The following PPP2R2C variants were observed in gnomAD, a reference collection of about 807,000 sequenced individuals.
The protein encoded by PPP2R2C is protein phosphatase 2, regulatory subunit B, gamma.
In PPP2R2C, 10 loss-of-function variants were observed where a neutral mutation model predicts 45.3. The ratio of observed to expected loss-of-function variants is 0.22; its 90% CI spans 0.14 to 0.37. The LOEUF (loss-of-function observed/expected upper bound fraction) is 0.37. Among genes scored for constraint, PPP2R2C ranks in the 10% least tolerant of loss-of-function variants. The probability of loss-of-function intolerance (pLI) is 1.00; values close to 1 mark genes in which losing one functional copy is unlikely to be tolerated. For missense variants in PPP2R2C, 308 were observed against 619.7 expected (o/e 0.50, Z 5.34); for synonymous variants, 257 against 245.4 (o/e 1.05, Z -0.44).
chr4:6,505,374 G>C (rs904465705), intron 2 of PPP2R2C, among the ~76,000 whole-genome samples: 2 of 152,042 alleles, frequency 1.3e-5, no homozygotes, highest in African/African-American at 4.8e-5. Context: ...TAAACATGTG[G>C]GTAAACATAA....
chr4:6,337,419 G>A lies in PPP2R2C; in HGVS notation c.791-3688C>T, dbSNP rs181007216. ...CGGGACCTGGTGGCCCCCAGCACCT[G>A]CCCAGGTGAGTGGCGGGAACCCTGT... On this transcript the variant is annotated intron_variant, in intron 6 of 8. Transcript: ENST00000382599. 2.0e-5 allele frequency among the ~76,000 whole-genome samples: 3 copies of A among 152,078 alleles called. No homozygotes were observed. The East Asian group carries it at 5.9e-4, about 30-fold the overall frequency.
intron 1 of PPP2R2C, among the ~76,000 whole-genome samples, chr4:6,412,300 G>A (rs1353585296): frequency 1.3e-5 from 2 of 152,036 alleles, no homozygotes; most frequent in African/African-American, 4.8e-5. Flanking sequence ...CAACGTTCAG[G>A]GGCTGTGCAA....
At chr4:6,381,735 C>G in intron 1 of PPP2R2C, 1 of 1,585,946 alleles carries the variant, frequency 6.3e-7, no homozygotes, top group Non-Finnish European at 8.6e-7. Context: ...CATGTTTCTT[C>G]AGGTCACTCA....
chr4:6,334,955 G>A (rs1732729215), intron 6 of PPP2R2C, among the ~76,000 whole-genome samples: 1 of 152,170 alleles, frequency 6.6e-6, no homozygotes, highest in South Asian at 2.1e-4. Flanking sequence ...GGAAATGGCA[G>A]CACCCCATTC....
intron 2 of PPP2R2C, among the ~76,000 whole-genome samples, chr4:6,483,153 T>G (rs750968540): frequency 4.0e-3 from 337 of 84,812 alleles, no homozygotes; most frequent in Middle Eastern, 0.033. Context: ...ATTGATTGAT[T>G]GATAGATAGA....
At chr4:6,484,964 G>C (rs1034272923) in intron 2 of PPP2R2C, among the ~76,000 whole-genome samples, 1 of 151,724 alleles carries the variant, frequency 6.6e-6, no homozygotes, top group South Asian at 2.1e-4. Context: ...AAGAATGTGT[G>C]CTGAGAGTAG....
intron 2 of PPP2R2C, among the ~76,000 whole-genome samples, chr4:6,530,614 C>T (rs568912486): frequency 1.3e-5 from 2 of 152,194 alleles, no homozygotes; most frequent in Non-Finnish European, 2.9e-5. Flanking sequence ...CTGAGCTGGA[C>T]TGCTGGGCTG....
At position 6,471,156 on chromosome 4, in the gene PPP2R2C, A is replaced by C. The variant is rs1340233263; in HGVS notation, c.70+1004T>G. ...GGGACCCGTGCCCAGGGCCCCTCCC[A>C]CTGGGGCACCCACCCGGGGAATCCG... On this transcript the variant is annotated intron_variant, in intron 1 of 8. Transcript: ENST00000382599. This position sits in a 1 kb window ranked among gnomAD's most constrained non-coding sequence, Gnocchi z 5.6. 1.3e-5 allele frequency among the ~76,000 whole-genome samples: 2 copies of C among 151,894 alleles called. No homozygotes were observed. Among genetic ancestry groups the C allele is most frequent in the Non-Finnish European group, 2.9e-5 (2 of 67,940 alleles).
chr4:6,507,591 G>C (rs901083473), intron 2 of PPP2R2C, among the ~76,000 whole-genome samples: 1 of 152,246 alleles, frequency 6.6e-6, no homozygotes, highest in African/African-American at 2.4e-5. Flanking sequence ...CCAGGCCCAG[G>C]TGAGCTTCCA....
chr4:6,515,818 C>T (rs991371419), intron 2 of PPP2R2C, among the ~76,000 whole-genome samples: 2 of 152,196 alleles, frequency 1.3e-5, no homozygotes, highest in Non-Finnish European at 2.9e-5. Context: ...AGTCCAAGAT[C>T]GAGGTGTCCG....
chr4:6,415,035 C>A (rs922616659), intron 1 of PPP2R2C, among the ~76,000 whole-genome samples: 1 of 152,208 alleles, frequency 6.6e-6, no homozygotes, highest in African/African-American at 2.4e-5. Flanking sequence ...GGAACAGGTG[C>A]GGATATCTGG....
intron 5 of PPP2R2C, among the ~76,000 whole-genome samples, chr4:6,358,575 A>T (rs1577104471): frequency 6.6e-6 from 1 of 152,150 alleles, no homozygotes; most frequent in South Asian, 2.1e-4. Flanking sequence ...GAATGGGAGA[A>T]AATTTTTGCA....
At chr4:6,454,872 A>G (rs1047520708) in intron 1 of PPP2R2C, among the ~76,000 whole-genome samples, 1 of 152,208 alleles carries the variant, frequency 6.6e-6, no homozygotes. Context: ...ATTACACAGG[A>G]GCAGTCAAGA....
intron 5 of PPP2R2C, among the ~76,000 whole-genome samples, chr4:6,366,613 T>C (rs1403931480): frequency 6.6e-6 from 1 of 152,070 alleles, no homozygotes; most frequent in Non-Finnish European, 1.5e-5. Flanking sequence ...CTGACCAGCC[T>C]AGGAGGGGTG....
intron 1 of PPP2R2C, among the ~76,000 whole-genome samples, chr4:6,420,176 T>A (rs1029659393): frequency 6.6e-6 from 1 of 152,074 alleles, no homozygotes; most frequent in Non-Finnish European, 1.5e-5. Context: ...ATACAACTAC[T>A]CCACATGACA....
chr4:6,482,161 A>C (rs1048193359), intron 2 of PPP2R2C, among the ~76,000 whole-genome samples: 3 of 152,106 alleles, frequency 2.0e-5, no homozygotes, highest in Non-Finnish European at 2.9e-5. Flanking sequence ...CTTCAATTAA[A>C]TTTTATAATT....
At position 6,382,771 on chromosome 4, in the gene PPP2R2C, T is replaced by C. The variant is rs1715943710; in HGVS notation, c.71-1677A>G. The C allele has an allele frequency of 8.0e-6, 6 of 753,666 alleles. No individual in the cohort carries two copies. In the South Asian group the frequency reaches 1.1e-4, roughly 14 times the overall value. 46.7% of individuals were successfully genotyped at this position (753,666 alleles called of 1,614,324 possible). ...CACAGCATATCGGGATGCCAGCCACTCTCCCACCTCTCACTGGATGACTGC... is the reference window on the plus strand; with the variant it reads ...CACAGCATATCGGGATGCCAGCCACCCTCCCACCTCTCACTGGATGACTGC... On this transcript the variant is annotated intron_variant, in intron 1 of 8. Coordinates refer to ENST00000382599, the MANE Select transcript of PPP2R2C (RefSeq NM_020416.4).
At chr4:6,426,176 G>A (rs1719322163) in intron 1 of PPP2R2C, among the ~76,000 whole-genome samples, 1 of 152,230 alleles carries the variant, frequency 6.6e-6, no homozygotes, top group Non-Finnish European at 1.5e-5. Context: ...TGGGGTGTCA[G>A]GAAAAGGCTA....
chr4:6,512,976 A>C (rs1238176132), intron 2 of PPP2R2C, among the ~76,000 whole-genome samples: 2 of 151,818 alleles, frequency 1.3e-5, no homozygotes, highest in African/African-American at 4.8e-5. Flanking sequence ...TATCAGGATA[A>C]AAAAAAATAC....
Sources: gnomAD v4.1 joint callset for allele counts (sites outside exome capture counted in the v4.1 genomes callset) on GRCh38, gnomAD v4.1.1 for gene constraint, Gnocchi (gnomAD v3.1) non-coding constraint, MANE v1.5 for transcripts, NCBI Gene and HGNC (gene_info 2026-07-23, HGNC 2026-07-21) for gene names.